NCOR1: variants seen among roughly 807,000 people sequenced by gnomAD.
NCOR1 encodes the protein protein phosphatase 1, regulatory subunit 109.
NCOR1 carries 63 observed loss-of-function variants against 288.1 expected under a neutral mutation model. The observed-to-expected ratio is 0.22, with a 90% CI of 0.18 to 0.27. The LOEUF is 0.27. NCOR1 is among the 10% of genes least tolerant of loss of function. The pLI is 1.00. For synonymous variants in NCOR1, 1,007 were observed against 1,065.9 expected (o/e 0.94, Z 1.08); for missense variants, 2,397 against 3,019.2 (o/e 0.79, Z 4.83).
chr17:16,034,332 C>G (rs1973511115), intron 45 of NCOR1, among the ~76,000 whole-genome samples: 1 of 152,214 alleles, frequency 6.6e-6, no homozygotes, highest in East Asian at 1.9e-4. Flanking sequence ...TTGGTTGACT[C>G]CTGTAATACT....
intron 1 of NCOR1, among the ~76,000 whole-genome samples, chr17:16,201,946 GCTGGGC>G (rs1357365597): frequency 6.6e-6 from 1 of 152,132 alleles, no homozygotes; most frequent in Non-Finnish European, 1.5e-5. Context: ...AAAAAATACG[GCTGGGC>G]GCGGTGGCTC....
Position 16,172,007 on chromosome 17 carries a change from A to C in NCOR1, c.243-12T>G. ...TCCTTTCTTGAGGCCTAATACATACAAAGAAAATAAACACTTGAAAATTTG... is the reference window on the plus strand; with the variant it reads ...TCCTTTCTTGAGGCCTAATACATACCAAGAAAATAAACACTTGAAAATTTG... On this transcript the variant is annotated splice_polypyrimidine_tract_variant and intron_variant, in intron 3 of 45. Coordinates refer to ENST00000268712, the MANE Select transcript of NCOR1 (RefSeq NM_006311.4). The C allele has an allele frequency of 1.3e-6, 2 of 1,520,390 alleles. No individual in the cohort carries two copies. Among genetic ancestry groups the C allele is most frequent in the Non-Finnish European group, 1.8e-6 (2 of 1,132,706 alleles). 94.2% of individuals were successfully genotyped at this position (1,520,390 alleles called of 1,614,324 possible). A position where few individuals can be genotyped will look rare whatever the true frequency, so the allele number is the denominator to read the frequency against.
At position 16,121,019 on chromosome 17, in the gene NCOR1, T is replaced by C. The variant is rs1457492909; in HGVS notation, c.1852+33A>G. The stretch of plus-strand genomic sequence containing the variant: ...AGTGAAACAGAATCCCGAACAAAAT[T>C]ATGGCCTGTTTATGCCAATTGTTTC... On this transcript the variant is annotated intron_variant, in intron 16 of 45. Transcript: ENST00000268712. The C allele has an allele frequency of 3.2e-6, 5 of 1,580,750 alleles. No individual in the cohort carries two copies. The African/African-American group carries it at 4.1e-5, about 13-fold the overall frequency.
intron 22 of NCOR1, among the ~76,000 whole-genome samples, chr17:16,088,547 G>A (rs559189409): frequency 1.3e-5 from 2 of 152,156 alleles, no homozygotes; most frequent in South Asian, 2.1e-4. Context: ...TAAATAATTT[G>A]TCTTTTCCCT....
intron 42 of NCOR1, among the ~76,000 whole-genome samples, chr17:16,042,071 A>ACT (rs1306864406): frequency 6.6e-6 from 1 of 152,058 alleles, no homozygotes; most frequent in African/African-American, 2.4e-5. Context: ...AGAAGGATGG[A>ACT]CTCTTACCCA....
Position 16,138,175 on chromosome 17 carries a change from A to T in NCOR1, c.1390T>A (p.Ser464Thr). The T allele has an allele frequency of 6.2e-7, 1 of 1,613,240 alleles. No homozygotes were observed. The highest frequency in any genetic ancestry group is 8.5e-7 in the Non-Finnish European group (1 of 1,179,324). ...QHPKNFGLIA[S>T]YLERKSVPDC... ...TGTCTTACCTTCCTCTCCAAGTATG[A>T]TGCAATTAGTCCAAAGTTTTTTGGA... The change falls in exon 13 of 46, where the codon TCA becomes ACA. Residue 464 changes from serine (S) to threonine (T), a missense_variant. By Grantham distance (58) the Ser-to-Thr change is moderately conservative. Coordinates refer to ENST00000268712, the MANE Select transcript of NCOR1 (RefSeq NM_006311.4).
Position 16,121,261 on chromosome 17 carries a change from G to A in NCOR1, c.1643C>T (p.Thr548Ile), listed in dbSNP as rs775761447. The stretch of plus-strand genomic sequence containing the variant: ...ACCATCTATCTTGTCCTTTTCCTTG[G>A]TATTTTCTCTGGACACAAAAGCAAA... ...KDEKEDSKEN[T>I]KEKDKIDGTA... Residue 548 changes from threonine (T) to isoleucine (I), a missense_variant, in exon 16 of 46, where the codon ACC becomes ATC. Physicochemically the swap from Thr to Ile is moderately conservative, Grantham distance 89. Around this residue, in one of 11 missense-constraint regions of NCOR1, gnomAD observed 113 missense variants for 139.5 expected, o/e 0.81. Coordinates refer to ENST00000268712, the MANE Select transcript of NCOR1 (RefSeq NM_006311.4). 1.2e-6 allele frequency: 2 copies of A among 1,611,918 alleles called. No individual in the cohort carries two copies. Among genetic ancestry groups the A allele is most frequent in the South Asian group, 1.1e-5 (1 of 90,764 alleles).
chr17:16,101,412 T>C lies in NCOR1; in HGVS notation c.2528A>G (p.Glu843Gly). 6.2e-7 allele frequency: 1 copy of C among 1,614,224 alleles called. No homozygotes were observed. Residue 843 changes from glutamate (E) to glycine (G), a missense_variant, in exon 20 of 46, where the codon GAA (glutamate) becomes GGA (glycine). Coordinates refer to ENST00000268712, the MANE Select transcript of NCOR1 (RefSeq NM_006311.4). ...ASKVEGDNTK[E>G]RDLDRASEKV... Reference sequence around the variant, plus strand: ...CTCACTGGCTCTATCCAAGTCTCTTTCTTTGGTATTATCACCTTCAACTTT... The same window carrying C: ...CTCACTGGCTCTATCCAAGTCTCTTCCTTTGGTATTATCACCTTCAACTTT...
chr17:16,105,950 A>G (rs2068541075), intron 19 of NCOR1, among the ~76,000 whole-genome samples: 1 of 152,122 alleles, frequency 6.6e-6, no homozygotes, highest in South Asian at 2.1e-4. Context: ...AAGTACAAAA[A>G]TTAGCTGGGC....
At chr17:16,054,070 T>TAAAAA (rs752015595) in intron 40 of NCOR1, among the ~76,000 whole-genome samples, 3 of 72,116 alleles carry the variant, frequency 4.2e-5, no homozygotes, top group Admixed American at 1.5e-4. Context: ...GACTTAAATG[T>TAAAAA]AAAAAAAAAA....
intron 6 of NCOR1, among the ~76,000 whole-genome samples, chr17:16,155,077 C>T (rs2079502110): frequency 6.6e-6 from 1 of 152,122 alleles, no homozygotes; most frequent in African/African-American, 2.4e-5. Flanking sequence ...CAAGGCAGGT[C>T]ATGGTGGCTC....
intron 42 of NCOR1, 102 bp from the exon 43 acceptor site, chr17:16,040,596 T>C (rs1075901): frequency 0.56 from 580,047 of 1,042,214 alleles, 165,527 homozygotes; most frequent in African/African-American, 0.71. Context: ...TTTTTATTTT[T>C]CATGATCTCA....
intron 26 of NCOR1, among the ~76,000 whole-genome samples, chr17:16,079,001 T>C (rs756175312): frequency 2.0e-5 from 3 of 152,174 alleles, no homozygotes; most frequent in Admixed American, 1.3e-4. Flanking sequence ...AAAATGGGGA[T>C]TTTAATTCAC....
At chr17:16,091,788 C>G in intron 22 of NCOR1, 75 bp downstream of exon 22, 1 of 1,603,170 alleles carries the variant, frequency 6.2e-7, no homozygotes, top group Non-Finnish European at 8.5e-7. Flanking sequence ...TTACAAAGCA[C>G]AATGGACACT....
chr17:16,142,936 C>G (rs77429424), intron 11 of NCOR1, among the ~76,000 whole-genome samples: 1,524 of 152,258 alleles, frequency 0.01, 25 homozygotes, highest in African/African-American at 0.035. Flanking sequence ...GTATCTTCAC[C>G]TTAAAAATTA....
intron 32 of NCOR1, among the ~76,000 whole-genome samples, chr17:16,067,285 T>C (rs1054393248): frequency 2.0e-5 from 3 of 152,238 alleles, no homozygotes; most frequent in African/African-American, 4.8e-5. Context: ...ATGACATAAT[T>C]TGTAAATCAA....
rs758395387 is a variant in NCOR1, at chr17:16,181,211, A to ATGTATGTATGTATGTGTG, written c.242+5342_242+5343insCACACATACATACATACA. ...TGTGTGTGTGTATACATATATATGT[A>ATGTATGTATGTATGTGTG]TGTGTGTGTGTGTGTGTGTGTGTGT... On this transcript the variant is annotated intron_variant, in intron 3 of 45. Transcript: ENST00000268712. 2.8e-4 allele frequency among the ~76,000 whole-genome samples: 39 copies of ATGTATGTATGTATGTGTG among 139,576 alleles called. 1 individual carries two copies. Among genetic ancestry groups the ATGTATGTATGTATGTGTG allele is most frequent in the Admixed American group, 1.3e-3 (18 of 13,566 alleles). 91.6% of individuals were successfully genotyped at this position (139,576 alleles called of 152,430 possible).
intron 19 of NCOR1, among the ~76,000 whole-genome samples, chr17:16,106,870 TATATATA>T (rs2068772149): frequency 5.7e-5 from 3 of 52,918 alleles, no homozygotes; most frequent in African/African-American, 2.9e-4. Context: ...TATATATATA[TATATATA>T]TATATATTTT....
rs2152610932 is a variant in NCOR1, at chr17:16,061,752, G to A, written c.5530C>T (p.His1844Tyr). The A allele has an allele frequency of 6.2e-7, 1 of 1,614,202 alleles. No individual in the cohort carries two copies. The highest frequency in any genetic ancestry group is 8.5e-7 in the Non-Finnish European group (1 of 1,180,046). Residue 1844 changes from histidine to tyrosine, a missense_variant, in exon 37 of 46, where the codon CAT (histidine) becomes TAT (tyrosine). His to Tyr is a moderately conservative substitution (Grantham distance 83). Coordinates refer to ENST00000268712, the MANE Select transcript of NCOR1 (RefSeq NM_006311.4). ...MDVSKTKESK[H>Y]EAARLEENLR... ...TTTTCTTCTAACCTGGCAGCTTCAT[G>A]CTTACTCTCTTTTGTTTTGGACACA...
Sources: gnomAD v4.1 joint callset for allele counts (sites outside exome capture counted in the v4.1 genomes callset) on GRCh38, gnomAD v4.1.1 for gene constraint, gnomAD v4.1.1 regional missense constraint, MANE v1.5 for transcripts, NCBI Gene and HGNC (gene_info 2026-07-23, HGNC 2026-07-21) for gene names.